The following COPA variants were observed in gnomAD, a reference collection of about 807,000 sequenced individuals.
COPA encodes coatomer subunit alpha.
COPA carries 10 observed loss-of-function variants against 158.7 expected under a neutral mutation model. The observed-to-expected ratio is 0.06, with a 90% confidence interval of 0.04 to 0.11. The LOEUF is 0.11. Among genes scored for constraint, COPA ranks in the 10% least tolerant of loss-of-function variants. The probability of loss-of-function intolerance (pLI) is 1.00; values close to 1 mark genes in which losing one functional copy is unlikely to be tolerated. For synonymous variants in COPA, 462 were observed against 542.8 expected (o/e 0.85, Z 2.07); for missense variants, 1,065 against 1,536.7 (o/e 0.69, Z 5.13).
At chr1:160,309,204 G>A in intron 12 of COPA, 28 bp from the exon 13 acceptor site, 1 of 1,565,044 alleles carries the variant, frequency 6.4e-7, no homozygotes. Context: ...AAATTAAAAT[G>A]TTAGTGAGAA....
In COPA at chr1:160,292,498, A is replaced by G. The variant is rs1658273836; in HGVS notation, c.2946T>C (p.Tyr982=). The G allele has an allele frequency of 6.2e-7, 1 of 1,613,556 alleles. No homozygotes were observed. Among genetic ancestry groups the G allele is most frequent in the Non-Finnish European group, 8.5e-7 (1 of 1,179,830 alleles). The change falls in exon 28 of 33, where the codon TAT becomes TAC. Residue 982 remains tyrosine (Y), a synonymous_variant. Coordinates refer to ENST00000241704, the MANE Select transcript of COPA (RefSeq NM_004371.4). The stretch of plus-strand genomic sequence containing the variant: ...AAGGGCCTTACCAGTTGCGATTAGG[A>G]TAGCCATACATGGAGGGTAGGCAGG... The part of the protein sequence containing the change: ...ALPCLPSMYG[Y]PNRNWKDAGL...
At chr1:160,335,405 T>C in intron 3 of COPA, 83 bp from the exon 4 acceptor site, 4 of 1,033,478 alleles carry the variant, frequency 3.9e-6, no homozygotes, top group African/African-American at 3.3e-5. Context: ...TTTACAGAGA[T>C]AGAAATATGT....
rs758505885 is a variant in COPA at position 160,294,530 on chromosome 1, C to T, written c.2630G>A (p.Gly877Glu). The T allele has an allele frequency of 3.1e-6, 5 of 1,614,224 alleles. No homozygotes were observed. Among genetic ancestry groups the T allele is most frequent in the Middle Eastern group, 1.7e-4 (1 of 6,060 alleles). Residue 877 changes from glycine to glutamate, a missense_variant, in exon 25 of 33, where the codon GGA (glycine) becomes GAA (glutamate). Coordinates refer to ENST00000241704, the MANE Select transcript of COPA (RefSeq NM_004371.4). ...ATCTTCTTCTACATCCCAGCCACCT[C>T]CTTCTTCCTGTCCCTTGCCAAGAGC... Reference protein sequence around the residue: ...DDALGKGQEEGGGWDVEEDLE... With the variant: ...DDALGKGQEEEGGWDVEEDLE...
chr1:160,297,495 T>A (rs1307843894), intron 20 of COPA, 57 bp from the exon 21 acceptor site: 1 of 1,612,514 alleles, frequency 6.2e-7, no homozygotes, highest in Non-Finnish European at 8.5e-7. Flanking sequence ...TCTTTCTCCT[T>A]AATTCACCTT....
intron 4 of COPA, among the ~76,000 whole-genome samples, chr1:160,333,981 G>A (rs533807749): frequency 0.033 from 5,019 of 152,166 alleles, 274 homozygotes; most frequent in African/African-American, 0.12. Context: ...GTGTGTGTGT[G>A]TGTGTATTTA....
chr1:160,310,222 A>C lies in COPA; in HGVS notation c.1113T>G (p.Asn371Lys). Residue 371 changes from asparagine (N) to lysine (K), a missense_variant, in exon 12 of 33, where the codon AAT becomes AAG. Asn to Lys is a moderately conservative substitution (Grantham distance 94). Coordinates refer to ENST00000241704, the MANE Select transcript of COPA (RefSeq NM_004371.4). ...SKFPVFNMSY[N>K]PAENAVLLCT... ...AAAGCAGGACTGCATTTTCTGCTGGATTGTATGACATATTGAATACTGGAA... is the reference window on the plus strand; with the variant it reads ...AAAGCAGGACTGCATTTTCTGCTGGCTTGTATGACATATTGAATACTGGAA... 6.2e-7 allele frequency: 1 copy of C among 1,605,070 alleles called. No homozygotes were observed. Among genetic ancestry groups the C allele is most frequent in the Non-Finnish European group, 8.5e-7 (1 of 1,175,732 alleles).
intron 14 of COPA, 112 bp downstream of exon 14, chr1:160,307,051 G>A: frequency 9.6e-7 from 1 of 1,036,886 alleles, no homozygotes; most frequent in Non-Finnish European, 1.5e-6. Flanking sequence ...CAATACATGA[G>A]AATCACGGCT....
Position 160,290,026 on chromosome 1 carries a change from T to C in COPA, c.*131A>G. The C allele has an allele frequency of 3.6e-6, 3 of 824,846 alleles. No homozygotes were observed. The highest frequency in any genetic ancestry group is 3.5e-5 in the South Asian group (2 of 56,720). 51.1% of individuals were successfully genotyped at this position (824,846 alleles called of 1,614,324 possible). ...GGATTTTCCATAGAAGAGAAAAAGA[T>C]ACTAGGTTTTAGGGTACAGAGAGCC... On this transcript the variant is annotated 3_prime_UTR_variant, in exon 33 of 33. Coordinates refer to ENST00000241704, the MANE Select transcript of COPA (RefSeq NM_004371.4).
chr1:160,296,202 T>G (rs1658405906), intron 21 of COPA, 53 bp from the exon 22 acceptor site: 4 of 1,513,192 alleles, frequency 2.6e-6, no homozygotes, highest in Middle Eastern at 3.4e-4. Flanking sequence ...TGCATGCTGC[T>G]GTGGTAAGCA....
chr1:160,293,648 C>T (rs1478915145), intron 25 of COPA, among the ~76,000 whole-genome samples, 185 bp from the exon 26 acceptor site: 1 of 152,036 alleles, frequency 6.6e-6, no homozygotes, highest in Non-Finnish European at 1.5e-5. Context: ...GCATGAGTCA[C>T]CACACCTGGC....
At chr1:160,343,037 A>C in intron 1 of COPA, 94 bp downstream of exon 1, 18 of 1,517,210 alleles carry the variant, frequency 1.2e-5, no homozygotes, top group Non-Finnish European at 1.6e-5. Context: ...TGGTGGGCCC[A>C]TTTCGACCAA....
At chr1:160,323,676 A>G (rs1659403365) in intron 7 of COPA, 146 bp from the exon 8 acceptor site, 1 of 465,250 alleles carries the variant, frequency 2.1e-6, no homozygotes, top group East Asian at 3.8e-5. Flanking sequence ...TAAAATTTTG[A>G]GCATCAGAAT....
At position 160,305,997 on chromosome 1, in the gene COPA, C is replaced by T. The variant is rs1658774216; in HGVS notation, c.1443-224G>A. On this transcript the variant is annotated intron_variant, in intron 15 of 32. Coordinates refer to ENST00000241704, the MANE Select transcript of COPA (RefSeq NM_004371.4). Reference sequence around the variant, plus strand: ...TCCTCAACCCCCTCTCCCTCATTTCCTTGTATTATTAGGGAATCTGTGTAT... The same window carrying T: ...TCCTCAACCCCCTCTCCCTCATTTCTTTGTATTATTAGGGAATCTGTGTAT... The T allele has an allele frequency of 6.7e-6, 4 of 593,518 alleles. No homozygotes were observed. In the Admixed American group the frequency reaches 9.0e-5, roughly 13 times the overall value. The allele number at this position is 593,518 out of a possible 1,614,324, so 36.8% of individuals were successfully genotyped here. A position where few individuals can be genotyped will look rare whatever the true frequency, so the allele number is the denominator to read the frequency against.
chr1:160,314,175 T>C (rs779234021), intron 8 of COPA, 50 bp from the exon 9 acceptor site: 2 of 1,564,844 alleles, frequency 1.3e-6, no homozygotes, highest in Non-Finnish European at 1.7e-6. Flanking sequence ...TACTATAACT[T>C]TAGGATTTGG....
In COPA at chr1:160,296,146, G is replaced by T. The variant is rs754871731; in HGVS notation, c.2267C>A (p.Ser756Tyr). Residue 756 changes from serine to tyrosine, a missense_variant, in exon 22 of 33, where the codon TCC (serine) becomes TAC (tyrosine). By Grantham distance (144) the Ser-to-Tyr change is moderately radical (BLOSUM62 -2). Transcript: ENST00000241704. Reference sequence around the variant, plus strand: ...GGTAGCAGCTGTGAGATAGGCCAGGGACTCTGTAGAGAAAACAGACTTTGT... The same window carrying T: ...GGTAGCAGCTGTGAGATAGGCCAGGTACTCTGTAGAGAAAACAGACTTTGT... ...VRILKNCGQK[S>Y]LAYLTAATHG... is the part of the protein sequence containing the mutation. 6.2e-7 allele frequency: 1 copy of T among 1,614,040 alleles called. No individual in the cohort carries two copies. Among genetic ancestry groups the T allele is most frequent in the Admixed American group, 1.7e-5 (1 of 60,028 alleles).
At chr1:160,304,469 GCCTGGCCAACATGGTGAAA>G (rs2101835376) in intron 17 of COPA, among the ~76,000 whole-genome samples, 1 of 151,958 alleles carries the variant, frequency 6.6e-6, no homozygotes, top group South Asian at 2.1e-4. Context: ...CTCAAAACCA[GCCTGGCCAACATGGTGAAA>G]CCCTGTCTCT....
chr1:160,340,435 C>T lies in COPA; in HGVS notation c.41-141G>A. ...TGCTTGATGATTTTTTACTGGATGC[C>T]AGACATCGTGAATTTTATGTTTGGT... On this transcript the variant is annotated intron_variant, in intron 1 of 32. Transcript: ENST00000241704. 3 of 612,740 alleles carry T rather than the reference C, an allele frequency of 4.9e-6. No homozygotes were observed. In the South Asian group the frequency reaches 5.9e-5, roughly 12 times the overall value. 38.0% of individuals were successfully genotyped at this position (612,740 alleles called of 1,614,324 possible). A position where few individuals can be genotyped will look rare whatever the true frequency, so the allele number is the denominator to read the frequency against.
intron 17 of COPA, among the ~76,000 whole-genome samples, chr1:160,299,526 T>C (rs1013096685): frequency 2.6e-5 from 4 of 152,336 alleles, no homozygotes; most frequent in African/African-American, 9.6e-5. Context: ...AAAAGTTAAA[T>C]CTTAAGTTCT....
At chr1:160,322,891 A>G (rs1335309631) in intron 8 of COPA, among the ~76,000 whole-genome samples, 1 of 152,122 alleles carries the variant, frequency 6.6e-6, no homozygotes, top group Non-Finnish European at 1.5e-5. Flanking sequence ...CTGCATCCCC[A>G]TGTTTGTTTA....
Sources: gnomAD v4.1 joint callset for allele counts (sites outside exome capture counted in the v4.1 genomes callset) on GRCh38, gnomAD v4.1.1 for gene constraint, MANE v1.5 for transcripts, NCBI Gene and HGNC (gene_info 2026-07-23, HGNC 2026-07-21) for gene names.